Variants in LRRC4C observed in about 807,000 individuals in gnomAD.
The protein encoded by LRRC4C is leucine rich repeat containing 4C, also known as leucine-rich repeat-containing protein 4C.
In LRRC4C, 5 loss-of-function variants were observed where a neutral mutation model predicts 33.6. The observed-to-expected ratio is 0.15, with a 90% CI of 0.08 to 0.31. The LOEUF (loss-of-function observed/expected upper bound fraction) is 0.31, where lower values mean the gene tolerates loss of function less well. Among genes scored for constraint, LRRC4C ranks in the 10% least tolerant of loss-of-function variants. The pLI, the probability that LRRC4C is intolerant of heterozygous loss-of-function variation, is 1.00. For missense variants in LRRC4C, 560 were observed against 796.7 expected (o/e 0.70, Z 3.58); for synonymous variants, 329 against 302.0 (o/e 1.09, Z -0.93).
intron 1 of LRRC4C, among the ~76,000 whole-genome samples, chr11:40,992,244 C>G (rs1260671723): frequency 6.6e-6 from 1 of 152,006 alleles, no homozygotes; most frequent in Non-Finnish European, 1.5e-5. Flanking sequence ...CTCTATTAAA[C>G]TAGACAACTG....
intron 1 of LRRC4C, among the ~76,000 whole-genome samples, chr11:41,450,317 G>A (rs1323780554): frequency 6.6e-6 from 1 of 151,922 alleles, no homozygotes; most frequent in Non-Finnish European, 1.5e-5. Context: ...GCAATAATTG[G>A]TAAAAGAGAA....
chr11:41,387,937 A>G (rs926069874), intron 1 of LRRC4C, among the ~76,000 whole-genome samples: 1 of 151,812 alleles, frequency 6.6e-6, no homozygotes, highest in Non-Finnish European at 1.5e-5. Context: ...CATTCTCACA[A>G]TCTCTTTTTC....
chr11:41,245,983 G>T (rs1192525322), intron 1 of LRRC4C, among the ~76,000 whole-genome samples: 1 of 152,052 alleles, frequency 6.6e-6, no homozygotes, highest in Admixed American at 6.5e-5. Context: ...GGACAGCCCT[G>T]GAAAAGGCAC....
intron 1 of LRRC4C, among the ~76,000 whole-genome samples, chr11:41,434,166 C>A (rs1285644586): frequency 6.6e-6 from 1 of 152,096 alleles, no homozygotes; most frequent in Non-Finnish European, 1.5e-5. Context: ...CATCTTCAGA[C>A]CCCTCCACAG....
At chr11:40,578,646 A>C in intron 3 of LRRC4C, among the ~76,000 whole-genome samples, 1 of 152,174 alleles carries the variant, frequency 6.6e-6, no homozygotes, top group Non-Finnish European at 1.5e-5. Context: ...TTTGTGGTAG[A>C]GATACTAACT....
intron 1 of LRRC4C, among the ~76,000 whole-genome samples, chr11:41,302,331 G>T (rs1950310416): frequency 6.6e-6 from 1 of 152,112 alleles, no homozygotes; most frequent in African/African-American, 2.4e-5. Flanking sequence ...AACAAGGGAG[G>T]GGAAGCTACG....
intron 3 of LRRC4C, among the ~76,000 whole-genome samples, chr11:40,638,805 C>A (rs1941931174): frequency 6.9e-6 from 1 of 144,660 alleles, no homozygotes; most frequent in African/African-American, 2.5e-5. Context: ...TGATGCACTA[C>A]ATTTCTTGAC....
chr11:40,404,152 C>T (rs992588317), intron 3 of LRRC4C, among the ~76,000 whole-genome samples: 1 of 152,088 alleles, frequency 6.6e-6, no homozygotes, highest in Non-Finnish European at 1.5e-5. Context: ...TTATTAAGTC[C>T]AAGCTAACCT....
At chr11:40,542,556 A>G (rs939486481) in intron 3 of LRRC4C, among the ~76,000 whole-genome samples, 5 of 152,106 alleles carry the variant, frequency 3.3e-5, no homozygotes, top group Admixed American at 3.3e-4. Context: ...AGAGATAATA[A>G]CAACCAGGAC....
intron 1 of LRRC4C, among the ~76,000 whole-genome samples, chr11:41,031,951 G>A (rs958146996): frequency 6.6e-6 from 1 of 152,010 alleles, no homozygotes; most frequent in East Asian, 1.9e-4. Context: ...AGTACACCAG[G>A]GTTGGAGACA....
chr11:40,289,242 C>T (rs1336239459), intron 4 of LRRC4C, among the ~76,000 whole-genome samples: 6 of 152,102 alleles, frequency 3.9e-5, no homozygotes, highest in African/African-American at 1.4e-4. Flanking sequence ...AATTAATACA[C>T]GTTAATCCAA....
At chr11:40,790,757 A>G (rs1191509736) in intron 2 of LRRC4C, among the ~76,000 whole-genome samples, 1 of 152,230 alleles carries the variant, frequency 6.6e-6, no homozygotes, top group Admixed American at 6.5e-5. Context: ...CCTGTTGGGA[A>G]AATCATTAGT....
intron 1 of LRRC4C, among the ~76,000 whole-genome samples, chr11:41,103,602 A>G (rs971790824): frequency 1.3e-5 from 2 of 151,956 alleles, no homozygotes; most frequent in Non-Finnish European, 2.9e-5. Context: ...GGGAAAGATG[A>G]TAAGTGCATA....
chr11:41,355,495 A>G (rs1466181903), intron 1 of LRRC4C, among the ~76,000 whole-genome samples: 1 of 152,144 alleles, frequency 6.6e-6, no homozygotes, highest in Non-Finnish European at 1.5e-5. Context: ...TTAAAAGTGA[A>G]TAAAGCCACT....
intron 1 of LRRC4C, among the ~76,000 whole-genome samples, chr11:41,353,208 A>G (rs978972900): frequency 5.3e-5 from 8 of 152,114 alleles, no homozygotes; most frequent in African/African-American, 1.9e-4. Flanking sequence ...TCGACCCCAG[A>G]AAAACAAAAA....
intron 1 of LRRC4C, among the ~76,000 whole-genome samples, chr11:41,094,416 C>T (rs1375465466): frequency 6.6e-6 from 1 of 151,812 alleles, no homozygotes; most frequent in African/African-American, 2.4e-5. Flanking sequence ...CTCAGCTACT[C>T]GGGAGGCTGA....
chr11:41,212,837 AT>A (rs955645514), intron 1 of LRRC4C, among the ~76,000 whole-genome samples: 2 of 152,126 alleles, frequency 1.3e-5, no homozygotes, highest in Non-Finnish European at 2.9e-5. Flanking sequence ...TATGTGCCAC[AT>A]TTTCTTCATC....
chr11:40,994,002 G>A (rs1050459487), intron 1 of LRRC4C, among the ~76,000 whole-genome samples: 2 of 151,536 alleles, frequency 1.3e-5, no homozygotes, highest in African/African-American at 4.9e-5. Context: ...ACTGGATGGG[G>A]CATACTACTG....
At chr11:40,904,254 G>T (rs1406783204) in intron 2 of LRRC4C, among the ~76,000 whole-genome samples, 1 of 152,076 alleles carries the variant, frequency 6.6e-6, no homozygotes, top group African/African-American at 2.4e-5. Context: ...AATTAATTCA[G>T]ACAAGATACA....
Sources: gnomAD v4.1 joint callset for allele counts (sites outside exome capture counted in the v4.1 genomes callset) on GRCh38, gnomAD v4.1.1 for gene constraint, MANE v1.5 for transcripts, NCBI Gene and HGNC (gene_info 2026-07-23, HGNC 2026-07-21) for gene names.